DOC2A: variants seen among roughly 807,000 people sequenced by gnomAD.
The protein encoded by DOC2A is double C2-like domain-containing protein alpha.
In DOC2A, 28 loss-of-function variants were observed where a neutral mutation model predicts 40.6. The ratio of observed to expected loss-of-function variants is 0.69; its 90% CI spans 0.51 to 0.95. DOC2A has a LOEUF of 0.95. DOC2A is among the 40% of genes least tolerant of loss of function. DOC2A has a pLI of 0.00. For missense variants in DOC2A, 474 were observed against 552.5 expected, an observed-to-expected ratio of 0.86 and a Z score of 1.42; for synonymous variants, 241 against 236.9, an observed-to-expected ratio of 1.02 and a Z score of -0.16.
upstream of DOC2A, among the ~76,000 whole-genome samples, chr16:30,016,653 G>A (rs2070859666): frequency 6.6e-6 from 1 of 152,214 alleles, no homozygotes; most frequent in South Asian, 2.1e-4. Flanking sequence ...AATTTCAGAG[G>A]AAAATGATGG....
upstream of DOC2A, among the ~76,000 whole-genome samples, chr16:30,016,041 ATATATATATATATATTT>A (rs1176957592): frequency 2.5e-5 from 1 of 39,698 alleles, no homozygotes; most frequent in African/African-American, 1.3e-4. Context: ...ATATATATAT[ATATATATATATATATTT>A]TTTTTTTTTT....
chr16:30,007,751 T>C (rs1186670280), intron 5 of DOC2A: 1 of 249,770 alleles, frequency 4.0e-6, no homozygotes, highest in Non-Finnish European at 7.9e-6. Flanking sequence ...AATGATTGCT[T>C]TCCAGCCACC....
Position 30,009,165 on chromosome 16 carries a change from A to ATGGGC in DOC2A, c.417+32_417+36dup. The stretch of plus-strand genomic sequence containing the variant: ...TCCTCCAGCCCCACAGGCTGGAGTC[A>ATGGGC]TGGGCTGGGCCGGGCGGGGCGAGAG... On this transcript the variant is annotated intron_variant, in intron 4 of 10. Coordinates refer to ENST00000350119, the MANE Select transcript of DOC2A (RefSeq NM_003586.3). This position sits in a 1 kb window ranked among gnomAD's most constrained non-coding sequence, Gnocchi z 4.1. The ATGGGC allele has an allele frequency of 3.5e-6, 4 of 1,146,894 alleles. No individual in the cohort carries two copies. Among genetic ancestry groups the ATGGGC allele is most frequent in the South Asian group, 1.2e-5 (1 of 82,592 alleles). 71.0% of individuals were successfully genotyped at this position (1,146,894 alleles called of 1,614,324 possible). A position where few individuals can be genotyped will look rare whatever the true frequency, so the allele number is the denominator to read the frequency against.
upstream of DOC2A, among the ~76,000 whole-genome samples, chr16:30,016,082 C>G: frequency 1.2e-5 from 1 of 85,826 alleles, no homozygotes; most frequent in Non-Finnish European, 2.1e-5. Flanking sequence ...TTTTTTTAGA[C>G]AGAGTCTCGC....
chr16:30,019,428 C>G (rs1043873638), intron 1 of DOC2A, among the ~76,000 whole-genome samples: 3 of 152,150 alleles, frequency 2.0e-5, no homozygotes, highest in African/African-American at 7.2e-5. Flanking sequence ...TATGAGTTCT[C>G]TCCCTTGTCA....
At chr16:30,007,937 G>T (rs1392358436) in intron 5 of DOC2A, 1 of 158,126 alleles carries the variant, frequency 6.3e-6, no homozygotes, top group East Asian at 1.9e-4. Context: ...AGATAGTCAA[G>T]GGAAAGAAAG....
upstream of DOC2A, among the ~76,000 whole-genome samples, chr16:30,022,440 G>T (rs970361181): frequency 6.6e-6 from 1 of 152,102 alleles, no homozygotes; most frequent in African/African-American, 2.4e-5. Flanking sequence ...GGAGGCCGAA[G>T]CTGGAGGATC....
upstream of DOC2A, among the ~76,000 whole-genome samples, chr16:30,014,468 T>G (rs1036979109): frequency 1.3e-5 from 2 of 150,970 alleles, no homozygotes; most frequent in Middle Eastern, 3.4e-3. Flanking sequence ...ACCCCATCTC[T>G]ACTAAAAATA....
At position 30,009,606 on chromosome 16, in the gene DOC2A, G is replaced by A. The variant is rs1329668674; in HGVS notation, c.263-49C>T. On this transcript the variant is annotated intron_variant, in intron 2 of 10. Transcript: ENST00000350119. The surrounding 1 kb of genome is among the most constrained non-coding windows in gnomAD (Gnocchi z 4.1). ...TGGGTCGGTATGGAGACAGGTGTGT[G>A]CGAGAGGCCAGCAGGTGGGCACTGG... is the stretch of plus-strand genomic sequence containing the variant. 1 of 1,494,606 alleles carries A rather than the reference G, an allele frequency of 6.7e-7. No individual in the cohort carries two copies. Among genetic ancestry groups the A allele is most frequent in the Admixed American group, 2.0e-5 (1 of 50,938 alleles). The allele number at this position is 1,494,606 out of a possible 1,614,324, so 92.6% of individuals were successfully genotyped here.
In DOC2A at chr16:30,007,102, A is replaced by G; in HGVS notation, c.655-12T>C. On this transcript the variant is annotated splice_polypyrimidine_tract_variant and intron_variant, in intron 6 of 10. Transcript: ENST00000350119. ...GAGGGGGACGCCAGCTGAGGGGGCA[A>G]AGAGAAGGTTCTGGAAGCCTGGCCT... 3.1e-6 allele frequency: 5 copies of G among 1,613,736 alleles called. No individual in the cohort carries two copies. Among genetic ancestry groups the G allele is most frequent in the Non-Finnish European group, 4.2e-6 (5 of 1,179,914 alleles).
upstream of DOC2A, chr16:30,011,237 C>A: frequency 2.4e-6 from 2 of 834,422 alleles, no homozygotes; most frequent in Non-Finnish European, 2.9e-6. Context: ...CGTGTGCACA[C>A]ATCCAACCGG....
rs2070750359 is a variant in DOC2A, at chr16:30,010,531, C to G, written c.-13-296G>C. On this transcript the variant is annotated intron_variant, in intron 1 of 10. Coordinates refer to ENST00000350119, the MANE Select transcript of DOC2A (RefSeq NM_003586.3). The surrounding 1 kb of genome is among the most constrained non-coding windows in gnomAD (Gnocchi z 4.2). ...TGTATCATCTTGCCAGCTCCTTCCT[C>G]TCCTCCGGGGCTCCCCTCTGCTCCT... 6.3e-6 allele frequency: 3 copies of G among 478,076 alleles called. No homozygotes were observed. Among genetic ancestry groups the G allele is most frequent in the South Asian group, 4.3e-5 (2 of 46,708 alleles). The allele number at this position is 478,076 out of a possible 1,614,324, so 29.6% of individuals were successfully genotyped here.
Position 30,009,329 on chromosome 16 carries a change from C to A in DOC2A, c.343-53G>T. On this transcript the variant is annotated intron_variant, in intron 3 of 10. Coordinates refer to ENST00000350119, the MANE Select transcript of DOC2A (RefSeq NM_003586.3). The surrounding 1 kb of genome is among the most constrained non-coding windows in gnomAD (Gnocchi z 4.1). Reference sequence around the variant, plus strand: ...AGAGGCTCCCGGCACCTCTCTCCATCCCTCTTGTAGAGCTGGACCCTGGAG... The same window carrying A: ...AGAGGCTCCCGGCACCTCTCTCCATACCTCTTGTAGAGCTGGACCCTGGAG... The A allele has an allele frequency of 6.6e-7, 1 of 1,524,444 alleles. No homozygotes were observed. The highest frequency in any genetic ancestry group is 2.4e-5 in the East Asian group (1 of 40,828). 94.4% of individuals were successfully genotyped at this position (1,524,444 alleles called of 1,614,324 possible). A position where few individuals can be genotyped will look rare whatever the true frequency, so the allele number is the denominator to read the frequency against.
At position 30,005,925 on chromosome 16, in the gene DOC2A, G is replaced by A. The variant is rs1036193120; in HGVS notation, c.*261C>T. ...TGAGGAGCGCGGGGGCCTGGGGCCG[G>A]GCTCTGAGCACTGCCCGGGTGTGCA... On this transcript the variant is annotated 3_prime_UTR_variant, in exon 11 of 11. Coordinates refer to ENST00000350119, the MANE Select transcript of DOC2A (RefSeq NM_003586.3). 1 of 558,154 alleles carries A rather than the reference G, an allele frequency of 1.8e-6. No homozygotes were observed. Among genetic ancestry groups the A allele is most frequent in the African/African-American group, 1.9e-5 (1 of 53,034 alleles). 34.6% of individuals were successfully genotyped at this position (558,154 alleles called of 1,614,324 possible). A position where few individuals can be genotyped will look rare whatever the true frequency, so the allele number is the denominator to read the frequency against.
Position 30,010,324 on chromosome 16 carries a change from C to T in DOC2A, c.-13-89G>A. 6.5e-7 allele frequency: 1 copy of T among 1,542,656 alleles called. No individual in the cohort carries two copies. Among genetic ancestry groups the T allele is most frequent in the Non-Finnish European group, 8.9e-7 (1 of 1,128,818 alleles). ...GACGGCCTCCTCGGTCTGTGGGGCCCTCACTGGCCTCCCTTCCTAGGTGTC... is the reference window on the plus strand; with the variant it reads ...GACGGCCTCCTCGGTCTGTGGGGCCTTCACTGGCCTCCCTTCCTAGGTGTC... On this transcript the variant is annotated intron_variant, in intron 1 of 10. Coordinates refer to ENST00000350119, the MANE Select transcript of DOC2A (RefSeq NM_003586.3). This position sits in a 1 kb window ranked among gnomAD's most constrained non-coding sequence, Gnocchi z 4.2.
Position 30,010,976 on chromosome 16 carries a change from A to G in DOC2A, c.-87T>C, listed in dbSNP as rs1596708559. 1 of 1,005,028 alleles carries G rather than the reference A, an allele frequency of 9.9e-7. No homozygotes were observed. Among genetic ancestry groups the G allele is most frequent in the Non-Finnish European group, 1.2e-6 (1 of 842,368 alleles). 62.3% of individuals were successfully genotyped at this position (1,005,028 alleles called of 1,614,324 possible). ...CTGGGCGGCGGCGGCCGGCGAGGAG[A>G]GCGCGGAGTCGAGCTGTGCGAGCCG... On this transcript the variant is annotated 5_prime_UTR_variant, in exon 1 of 11. Transcript: ENST00000350119. This position sits in a 1 kb window ranked among gnomAD's most constrained non-coding sequence, Gnocchi z 4.2.
upstream of DOC2A, chr16:30,012,310 C>G (rs1454707409): frequency 6.6e-6 from 1 of 152,204 alleles, no homozygotes; most frequent in Non-Finnish European, 1.5e-5. Context: ...CAGGACTCGG[C>G]TCAGCACCGC....
In DOC2A at chr16:30,009,195, C is replaced by T; in HGVS notation, c.417+7G>A. 6.2e-7 allele frequency: 1 copy of T among 1,601,652 alleles called. No homozygotes were observed. Among genetic ancestry groups the T allele is most frequent in the Non-Finnish European group, 8.5e-7 (1 of 1,173,380 alleles). ...CTGGGCCGGGCGGGGCGAGAGGAGG[C>T]TGTTACCTTACAGGCTCCAGGCAGC... On this transcript the variant is annotated splice_region_variant and intron_variant, in intron 4 of 10. Transcript: ENST00000350119. This position sits in a 1 kb window ranked among gnomAD's most constrained non-coding sequence, Gnocchi z 4.1.
At chr16:30,016,037 ATATATATATATATATATATTTTT>A (rs1252428244), upstream of DOC2A, among the ~76,000 whole-genome samples, 5 of 31,494 alleles carry the variant, frequency 1.6e-4, no homozygotes, top group South Asian at 2.1e-3. Context: ...ATATATATAT[ATATATATATATATATATATTTTT>A]TTTTTTTTTT....
Sources: allele counts gnomAD v4.1 joint callset (sites outside exome capture counted in the v4.1 genomes callset), GRCh38; gene constraint gnomAD v4.1.1; non-coding constraint Gnocchi (gnomAD v3.1); transcripts MANE v1.5; gene names NCBI Gene and HGNC (gene_info 2026-07-23, HGNC 2026-07-21).